RAP1GAP2: variants seen among roughly 807,000 people sequenced by gnomAD.
RAP1GAP2 encodes RAP1 GTPase activating protein 2.
RAP1GAP2 carries 27 observed loss-of-function variants against 95.0 expected under a neutral mutation model. The observed-to-expected ratio is 0.28, with a 90% CI of 0.21 to 0.39. The LOEUF (loss-of-function observed/expected upper bound fraction) is 0.39. Ranked by LOEUF, RAP1GAP2 falls within the 10% of genes least tolerant of loss-of-function variation. The pLI is 1.00. For synonymous variants in RAP1GAP2, 373 were observed against 380.9 expected (o/e 0.98, Z 0.24); for missense variants, 771 against 970.0 (o/e 0.79, Z 2.72).
chr17:2,815,169 T>G (rs1359212272), intron 2 of RAP1GAP2, among the ~76,000 whole-genome samples: 3 of 152,136 alleles, frequency 2.0e-5, no homozygotes, highest in African/African-American at 7.2e-5. Flanking sequence ...TTACCAGCGC[T>G]GAGGTGCTGC....
intron 11 of RAP1GAP2, among the ~76,000 whole-genome samples, chr17:2,987,487 G>A (rs149880695): frequency 2.1e-3 from 325 of 151,768 alleles, no homozygotes; most frequent in African/African-American, 7.4e-3. Flanking sequence ...CAGCTCCCTC[G>A]AGCAGCTGGG....
At chr17:2,776,645 A>G (rs1324010802), upstream of RAP1GAP2, among the ~76,000 whole-genome samples, 1 of 151,168 alleles carries the variant, frequency 6.6e-6, no homozygotes, top group African/African-American at 2.4e-5. Flanking sequence ...CGAGGGCGGG[A>G]GCACGAGGAC....
chr17:3,026,019 C>A lies in RAP1GAP2; in HGVS notation c.1763C>A (p.Ser588Tyr), dbSNP rs1311564176. The A allele has an allele frequency of 1.2e-6, 2 of 1,612,690 alleles. No individual in the cohort carries two copies. Among genetic ancestry groups the A allele is most frequent in the Admixed American group, 1.7e-5 (1 of 59,976 alleles). The change falls in exon 20 of 25, where the codon TCC (serine) becomes TAC (tyrosine). Residue 588 changes from serine to tyrosine, a missense_variant. Coordinates refer to ENST00000254695, the MANE Select transcript of RAP1GAP2 (RefSeq NM_015085.5). ...TTCCATTCCCTCAGTGACAGCACAT[C>A]CAGCACACCCAAGACCCCAGATGGT... ...GDSRARCDST[S>Y]STPKTPDGGH...
At chr17:2,806,982 T>C in intron 2 of RAP1GAP2, among the ~76,000 whole-genome samples, 1 of 151,440 alleles carries the variant, frequency 6.6e-6, no homozygotes, top group Admixed American at 6.6e-5. Flanking sequence ...CTGTGCCTGG[T>C]CTGCCACAAC....
At chr17:2,878,501 G>A (rs1233737959) in intron 2 of RAP1GAP2, among the ~76,000 whole-genome samples, 1 of 152,124 alleles carries the variant, frequency 6.6e-6, no homozygotes, top group Non-Finnish European at 1.5e-5. Flanking sequence ...CTCGAAAGGT[G>A]CATCACCTAG....
At chr17:3,021,837 A>G (rs2046973098) in intron 19 of RAP1GAP2, among the ~76,000 whole-genome samples, 1 of 152,210 alleles carries the variant, frequency 6.6e-6, no homozygotes, top group Non-Finnish European at 1.5e-5. Flanking sequence ...CCATGGGTGA[A>G]TAATATCCAT....
intron 4 of RAP1GAP2, among the ~76,000 whole-genome samples, chr17:2,959,798 T>A (rs533768483): frequency 6.6e-6 from 1 of 152,264 alleles, no homozygotes; most frequent in East Asian, 1.9e-4. Context: ...TGAGCCTTAA[T>A]TTCTTCACTG....
intron 2 of RAP1GAP2, among the ~76,000 whole-genome samples, chr17:2,860,657 G>A (rs949715826): frequency 8.3e-5 from 11 of 133,050 alleles, no homozygotes; most frequent in South Asian, 2.4e-4. Flanking sequence ...ATTCTGGAGT[G>A]CAGTGGCGCG....
intron 2 of RAP1GAP2, among the ~76,000 whole-genome samples, chr17:2,869,632 C>T (rs920464898): frequency 5.9e-5 from 9 of 152,296 alleles, no homozygotes; most frequent in South Asian, 4.1e-4. Context: ...CAACAGCCCA[C>T]GTTCTGAAGT....
Position 2,995,066 on chromosome 17 carries a change from C to T in RAP1GAP2, c.915-271C>T, listed in dbSNP as rs573184776. 1.3e-3 allele frequency among the ~76,000 whole-genome samples: 201 copies of T among 152,312 alleles called. 1 individual carries two copies. The highest frequency in any genetic ancestry group is 4.6e-3 in the African/African-American group (192 of 41,572). On this transcript the variant is annotated intron_variant, in intron 12 of 24. Transcript: ENST00000254695. Reference sequence around the variant, plus strand: ...CTGACCTCAGGTGATCTGCCTGCCTCGGCCTCCCAAAGTGCTGGGATGACA... The same window carrying T: ...CTGACCTCAGGTGATCTGCCTGCCTTGGCCTCCCAAAGTGCTGGGATGACA...
At chr17:2,983,656 C>G (rs573585445) in intron 10 of RAP1GAP2, among the ~76,000 whole-genome samples, 1 of 152,330 alleles carries the variant, frequency 6.6e-6, no homozygotes, top group African/African-American at 2.4e-5. Flanking sequence ...GTCCATAACA[C>G]ACACCAAGGT....
chr17:2,833,153 T>G (rs541738705), intron 2 of RAP1GAP2, among the ~76,000 whole-genome samples: 2 of 151,604 alleles, frequency 1.3e-5, no homozygotes, highest in South Asian at 2.1e-4. Flanking sequence ...TAATTTTTTT[T>G]TTTTTTTTAG....
intron 17 of RAP1GAP2, among the ~76,000 whole-genome samples, chr17:3,015,201 G>A (rs2046716177): frequency 9.6e-6 from 1 of 104,272 alleles, no homozygotes; most frequent in Admixed American, 1.1e-4. Context: ...CTGTTCTATG[G>A]TATAGAGAGG....
intron 17 of RAP1GAP2, among the ~76,000 whole-genome samples, chr17:3,010,623 C>T (rs866697013): frequency 5.3e-5 from 8 of 152,160 alleles, no homozygotes; most frequent in Non-Finnish European, 1.2e-4. Context: ...TCCAGTCCCC[C>T]GCCTCTGGCA....
chr17:2,830,942 T>TC (rs2070803474), intron 2 of RAP1GAP2, among the ~76,000 whole-genome samples: 1 of 112,254 alleles, frequency 8.9e-6, no homozygotes, highest in Non-Finnish European at 1.9e-5. Flanking sequence ...CCACTCCCCT[T>TC]CCCTCCCTTC....
chr17:2,835,579 A>C (rs1037774325), intron 2 of RAP1GAP2, among the ~76,000 whole-genome samples: 8 of 152,178 alleles, frequency 5.3e-5, no homozygotes, highest in African/African-American at 1.9e-4. Context: ...TTAAATACAG[A>C]ACAGAGCTGG....
intron 4 of RAP1GAP2, among the ~76,000 whole-genome samples, chr17:2,958,153 G>T (rs562843486): frequency 6.6e-6 from 1 of 152,194 alleles, no homozygotes; most frequent in South Asian, 2.1e-4. Context: ...GAGTCATCTT[G>T]CATAGGGAGG....
Position 3,033,030 on chromosome 17 carries a change from C to G in RAP1GAP2, c.*31-362C>G, listed in dbSNP as rs558986697. The stretch of plus-strand genomic sequence containing the variant: ...CCATCTGAGCTCCCAGCCCTCTCCC[C>G]ACATGGGGCTTCAGGGGTCAGAGTC... On this transcript the variant is annotated intron_variant, in intron 24 of 24. Coordinates refer to ENST00000254695, the MANE Select transcript of RAP1GAP2 (RefSeq NM_015085.5). The surrounding 1 kb of genome is among the most constrained non-coding windows in gnomAD (Gnocchi z 4.9). The G allele has an allele frequency of 6.4e-6, 1 of 155,800 alleles. No homozygotes were observed. The highest frequency in any genetic ancestry group is 2.4e-5 in the African/African-American group (1 of 41,472). The allele number at this position is 155,800 out of a possible 1,614,324, so 9.7% of individuals were successfully genotyped here.
rs544102681 is a variant in RAP1GAP2, at chr17:2,916,324, G to C, written c.165+10956G>C. On this transcript the variant is annotated intron_variant, in intron 3 of 24. Transcript: ENST00000254695. ...TGGCAGATACTGGTAATTGATCATG[G>C]CACTCTTTCCCAAGAGCTTAGACGT... Among the ~76,000 whole-genome samples, 18 of 151,766 alleles carry C rather than the reference G, an allele frequency of 1.2e-4. No individual in the cohort carries two copies. The South Asian group carries it at 2.7e-3, about 23-fold the overall frequency.
Sources: allele counts gnomAD v4.1 joint callset (sites outside exome capture counted in the v4.1 genomes callset), GRCh38; gene constraint gnomAD v4.1.1; non-coding constraint Gnocchi (gnomAD v3.1); transcripts MANE v1.5; gene names NCBI Gene and HGNC (gene_info 2026-07-23, HGNC 2026-07-21).